Variants in DUSP16 observed in about 807,000 individuals in gnomAD.
DUSP16 encodes the protein dual specificity protein phosphatase 16.
In DUSP16, 21 loss-of-function variants were observed where a neutral mutation model predicts 58.3. The ratio of observed to expected loss-of-function variants is 0.36; its 90% CI spans 0.26 to 0.52. The LOEUF (loss-of-function observed/expected upper bound fraction) is 0.52. Among genes scored for constraint, DUSP16 ranks in the 20% least tolerant of loss-of-function variants. The pLI is 0.94. For missense variants in DUSP16, 726 were observed against 819.0 expected (o/e 0.89, Z 1.39); for synonymous variants, 320 against 323.8 (o/e 0.99, Z 0.12).
intron 4 of DUSP16, among the ~76,000 whole-genome samples, chr12:12,496,132 G>A (rs1415414965): frequency 6.6e-6 from 1 of 152,192 alleles, no homozygotes; most frequent in Non-Finnish European, 1.5e-5. Context: ...CACACTGGGA[G>A]GGACACTGTA....
chr12:12,506,976 ACCT>A (rs1490574284), intron 3 of DUSP16, among the ~76,000 whole-genome samples: 1 of 152,136 alleles, frequency 6.6e-6, no homozygotes, highest in Admixed American at 6.5e-5. Flanking sequence ...CCTTAAGATC[ACCT>A]CCTTCACAAT....
At chr12:12,508,400 T>C (rs1246041360) in intron 3 of DUSP16, among the ~76,000 whole-genome samples, 2 of 152,146 alleles carry the variant, frequency 1.3e-5, no homozygotes, top group African/African-American at 4.8e-5. Context: ...AATGTTTCAA[T>C]GTAGATACTT....
chr12:12,480,121 A>C, intron 6 of DUSP16, 102 bp downstream of exon 6: 1 of 1,459,332 alleles, frequency 6.9e-7, no homozygotes, highest in Non-Finnish European at 9.3e-7. Context: ...AATGTGACTA[A>C]AATAATCATG....
intron 3 of DUSP16, among the ~76,000 whole-genome samples, chr12:12,504,109 C>T (rs1943950193): frequency 6.6e-6 from 1 of 152,174 alleles, no homozygotes; most frequent in South Asian, 2.1e-4. Flanking sequence ...GTTTTTTCCC[C>T]AAGGTAGTTC....
intron 4 of DUSP16, among the ~76,000 whole-genome samples, chr12:12,497,419 A>C (rs1397159472): frequency 6.6e-6 from 1 of 152,180 alleles, no homozygotes; most frequent in Non-Finnish European, 1.5e-5. Flanking sequence ...TTTTTGGTGT[A>C]ATATAAGCAT....
At chr12:12,550,429 C>A (rs796747227) in intron 1 of DUSP16, among the ~76,000 whole-genome samples, 14 of 152,302 alleles carry the variant, frequency 9.2e-5, no homozygotes, top group African/African-American at 3.1e-4. Context: ...AAGATGTTAT[C>A]TGTCTTTTTC....
intron 5 of DUSP16, among the ~76,000 whole-genome samples, chr12:12,480,801 C>T (rs186472899): frequency 6.6e-6 from 1 of 152,192 alleles, no homozygotes; most frequent in Non-Finnish European, 1.5e-5. Flanking sequence ...TCATTGCAAT[C>T]TCCGCCTCCC....
intron 5 of DUSP16, among the ~76,000 whole-genome samples, chr12:12,480,885 A>G (rs1486779936): frequency 6.6e-6 from 1 of 151,822 alleles, no homozygotes; most frequent in Non-Finnish European, 1.5e-5. Flanking sequence ...CGCCTGGCTA[A>G]TTTTTCTATT....
rs934547643 is a variant in DUSP16, at chr12:12,475,343, T to C, written c.*1490A>G. 1 of 152,192 alleles carries C rather than the reference T, an allele frequency of 6.6e-6. No homozygotes were observed. Among genetic ancestry groups the C allele is most frequent in the Non-Finnish European group, 1.5e-5 (1 of 68,062 alleles). The allele number at this position is 152,192 out of a possible 1,614,324, so 9.4% of individuals were successfully genotyped here. A position where few individuals can be genotyped will look rare whatever the true frequency, so the allele number is the denominator to read the frequency against. On this transcript the variant is annotated 3_prime_UTR_variant, in exon 7 of 7. Coordinates refer to ENST00000298573, the MANE Select transcript of DUSP16 (RefSeq NM_030640.3). Reference sequence around the variant, plus strand: ...TTGAAAGCCAATCTGCACTATCACTTGTTCCAGTGACCTCCTATGTTCAGC... The same window carrying C: ...TTGAAAGCCAATCTGCACTATCACTCGTTCCAGTGACCTCCTATGTTCAGC...
At chr12:12,525,222 T>G (rs1944287243) in intron 1 of DUSP16, among the ~76,000 whole-genome samples, 1 of 152,190 alleles carries the variant, frequency 6.6e-6, no homozygotes, top group Admixed American at 6.5e-5. Flanking sequence ...TATATTTCCA[T>G]GGGCCTTGCA....
At chr12:12,548,816 C>T (rs559976376) in intron 1 of DUSP16, among the ~76,000 whole-genome samples, 1 of 152,198 alleles carries the variant, frequency 6.6e-6, no homozygotes, top group East Asian at 1.9e-4. Flanking sequence ...TAACATACTG[C>T]TCTTAGAGTA....
intron 3 of DUSP16, among the ~76,000 whole-genome samples, chr12:12,507,263 T>C (rs1025358385): frequency 6.6e-6 from 1 of 152,194 alleles, no homozygotes; most frequent in Non-Finnish European, 1.5e-5. Context: ...GTTCTAAAAA[T>C]AGATCCCTCT....
chr12:12,562,554 G>C lies in DUSP16; in HGVS notation c.-803C>G, dbSNP rs1478312176. Among the ~76,000 whole-genome samples the C allele has an allele frequency of 1.5e-5, 2 of 133,294 alleles. No homozygotes were observed. Among genetic ancestry groups the C allele is most frequent in the Non-Finnish European group, 3.2e-5 (2 of 61,688 alleles). The allele number at this position is 133,294 out of a possible 152,430, so 87.4% of individuals were successfully genotyped here. ...CAAACACTGATACATAGAAAGAGGG[G>C]GAAAGGCGGGGGGGTGGGGTGGGGG... On this transcript the variant is annotated 5_prime_UTR_variant, in exon 1 of 7. Transcript: ENST00000298573.
chr12:12,546,973 C>T (rs1316816467), intron 1 of DUSP16, among the ~76,000 whole-genome samples: 1 of 152,150 alleles, frequency 6.6e-6, no homozygotes, highest in African/African-American at 2.4e-5. Context: ...TTATTTCTTA[C>T]CTTTAATTAA....
At chr12:12,505,869 G>A (rs1943987992) in intron 3 of DUSP16, among the ~76,000 whole-genome samples, 1 of 152,108 alleles carries the variant, frequency 6.6e-6, no homozygotes, top group African/African-American at 2.4e-5. Flanking sequence ...CTGATATCTA[G>A]AACAAACTCA....
intron 1 of DUSP16, among the ~76,000 whole-genome samples, chr12:12,528,001 C>G (rs535612392): frequency 1.3e-5 from 2 of 152,240 alleles, no homozygotes; most frequent in Non-Finnish European, 2.9e-5. Context: ...GAGGCCAAAT[C>G]TGTGAGAAGC....
chr12:12,542,739 G>C (rs573855430), intron 1 of DUSP16, among the ~76,000 whole-genome samples: 2 of 152,260 alleles, frequency 1.3e-5, no homozygotes, highest in South Asian at 2.1e-4. Flanking sequence ...CAGATGTAAA[G>C]AAACTAAAGA....
chr12:12,544,829 T>G (rs1555169345), intron 1 of DUSP16, among the ~76,000 whole-genome samples: 1 of 152,142 alleles, frequency 6.6e-6, no homozygotes, highest in African/African-American at 2.4e-5. Context: ...CCAAAATTAG[T>G]TTTCTTTTTC....
chr12:12,548,023 C>T (rs10772574), intron 1 of DUSP16, among the ~76,000 whole-genome samples: 66,177 of 151,546 alleles, frequency 0.44, 14,852 homozygotes, highest in East Asian at 0.64. Context: ...TAAGCAGTAC[C>T]AGTAATAGCA....
Sources: allele counts gnomAD v4.1 joint callset (sites outside exome capture counted in the v4.1 genomes callset), GRCh38; gene constraint gnomAD v4.1.1; transcripts MANE v1.5; gene names NCBI Gene and HGNC (gene_info 2026-07-23, HGNC 2026-07-21).